JPH1: variants seen among roughly 807,000 people sequenced by gnomAD.
JPH1 encodes junctophilin 1, also known as junctophilin-1.
Under a neutral mutation model 53.6 loss-of-function variants are expected in JPH1, and 12 were observed. The observed-to-expected ratio is 0.22, with a 90% CI of 0.14 to 0.36. The LOEUF is 0.36. JPH1 is among the 10% of genes least tolerant of loss of function. The pLI, the probability that JPH1 is intolerant of heterozygous loss-of-function variation, is 1.00. For synonymous variants in JPH1, 375 were observed against 363.8 expected (o/e 1.03, Z -0.35); for missense variants, 808 against 905.5 (o/e 0.89, Z 1.38).
chr8:74,254,740 T>A (rs1485599276), intron 3 of JPH1, among the ~76,000 whole-genome samples: 2 of 152,240 alleles, frequency 1.3e-5, no homozygotes, highest in East Asian at 3.9e-4. Context: ...AGCATTCTTA[T>A]ACACCAATAA....
At chr8:74,278,538 CACA>C (rs1473516262) in intron 2 of JPH1, among the ~76,000 whole-genome samples, 1 of 152,188 alleles carries the variant, frequency 6.6e-6, no homozygotes, top group Non-Finnish European at 1.5e-5. Flanking sequence ...CACCAGAAGA[CACA>C]ACAATTCCAT....
Position 74,315,158 on chromosome 8 carries a change from T to C in JPH1, c.842A>G (p.Tyr281Cys). The C allele has an allele frequency of 6.2e-7, 1 of 1,614,226 alleles. No individual in the cohort carries two copies. Residue 281 changes from tyrosine (Y) to cysteine (C), a missense_variant, in exon 2 of 6, where the codon TAC becomes TGC. Physicochemically the swap from Tyr to Cys is radical, Grantham distance 194 (BLOSUM62 -2). Transcript: ENST00000342232. The surrounding 1 kb of genome is among the most constrained non-coding windows in gnomAD (Gnocchi z 6.3). The stretch of plus-strand genomic sequence containing the variant: ...CTTGTCGTTCTTCCACTCGCCCATG[T>C]AGGTTTCCGTGGTGGTGGCGTCCAC... ...DHVDATTTETYMGEWKNDKRN... is the reference protein window; with the variant it reads ...DHVDATTTETCMGEWKNDKRN...
At position 74,236,359 on chromosome 8, in the gene JPH1, C is replaced by T. The variant is rs1427199114; in HGVS notation, c.*692G>A. 6.6e-6 allele frequency: 1 copy of T among 152,262 alleles called. No homozygotes were observed. Among genetic ancestry groups the T allele is most frequent in the East Asian group, 1.9e-4 (1 of 5,190 alleles). The allele number at this position is 152,262 out of a possible 1,614,324, so 9.4% of individuals were successfully genotyped here. ...CACGTGTGTTTCGTCCGGCCAGGAC[C>T]GCAGGTGGTAGATGACTATACGTCA... On this transcript the variant is annotated 3_prime_UTR_variant, in exon 6 of 6. Transcript: ENST00000342232.
intron 2 of JPH1, among the ~76,000 whole-genome samples, chr8:74,286,461 T>C (rs1807167156): frequency 6.6e-6 from 1 of 152,172 alleles, no homozygotes; most frequent in African/African-American, 2.4e-5. Flanking sequence ...CTTAAAAGTA[T>C]ACACTACATT....
chr8:74,282,396 A>T (rs532695521), intron 2 of JPH1, among the ~76,000 whole-genome samples: 29 of 152,364 alleles, frequency 1.9e-4, no homozygotes, highest in African/African-American at 6.3e-4. Flanking sequence ...CACAGAATGT[A>T]TTCCATACCC....
At chr8:74,300,832 T>C (rs890277377) in intron 2 of JPH1, among the ~76,000 whole-genome samples, 1 of 152,106 alleles carries the variant, frequency 6.6e-6, no homozygotes, top group Non-Finnish European at 1.5e-5. Flanking sequence ...CTGGTCAAGT[T>C]TTCCACTTCC....
At chr8:74,271,087 A>C (rs1472868582) in intron 2 of JPH1, among the ~76,000 whole-genome samples, 1 of 152,210 alleles carries the variant, frequency 6.6e-6, no homozygotes, top group Admixed American at 6.5e-5. Flanking sequence ...TCTAGGCACA[A>C]CGGGAATGTT....
intron 2 of JPH1, among the ~76,000 whole-genome samples, chr8:74,300,652 A>T (rs1807653854): frequency 6.6e-6 from 1 of 152,206 alleles, no homozygotes; most frequent in South Asian, 2.1e-4. Flanking sequence ...GATTGAGGAA[A>T]AATCTGGAGT....
intron 3 of JPH1, among the ~76,000 whole-genome samples, chr8:74,252,657 G>A (rs1263156873): frequency 2.0e-5 from 3 of 151,974 alleles, no homozygotes; most frequent in Non-Finnish European, 4.4e-5. Context: ...CCCATCTCAC[G>A]TGCAGAGACA....
At chr8:74,311,672 C>CAT (rs1563422615) in intron 2 of JPH1, among the ~76,000 whole-genome samples, 1 of 114,576 alleles carries the variant, frequency 8.7e-6, no homozygotes, top group Non-Finnish European at 1.7e-5. Flanking sequence ...TCCCTCCCCT[C>CAT]CCCCCACCCC....
chr8:74,254,273 A>G (rs1806152843), intron 3 of JPH1, among the ~76,000 whole-genome samples: 1 of 152,120 alleles, frequency 6.6e-6, no homozygotes, highest in Non-Finnish European at 1.5e-5. Context: ...CAGCATATAA[A>G]CAGAACCAAA....
In JPH1 at chr8:74,310,164, A is replaced by G. The variant is rs1807949867; in HGVS notation, c.1139+4697T>C. Among the ~76,000 whole-genome samples, 2 of 152,084 alleles carry G rather than the reference A, an allele frequency of 1.3e-5. 1 individual carries two copies. Among genetic ancestry groups the G allele is most frequent in the Non-Finnish European group, 2.9e-5 (2 of 68,000 alleles). ...GAGTAGCATCTTCATCTAAGAGCAG[A>G]GCAGTTGGGATCCAGAACTAGAGGT... On this transcript the variant is annotated intron_variant, in intron 2 of 5. Coordinates refer to ENST00000342232, the MANE Select transcript of JPH1 (RefSeq NM_020647.4).
intron 3 of JPH1, among the ~76,000 whole-genome samples, chr8:74,254,113 T>C (rs182266165): frequency 0.014 from 2,153 of 152,152 alleles, 83 homozygotes; most frequent in African/African-American, 0.05. Flanking sequence ...TAGACCAATA[T>C]CCTTGATGAA....
chr8:74,291,129 A>G (rs1807313915), intron 2 of JPH1, among the ~76,000 whole-genome samples: 2 of 152,200 alleles, frequency 1.3e-5, no homozygotes, highest in South Asian at 4.1e-4. Flanking sequence ...AAATTGACAA[A>G]TGGGATCTAA....
intron 2 of JPH1, among the ~76,000 whole-genome samples, chr8:74,285,367 A>G (rs1479508505): frequency 6.6e-6 from 1 of 152,080 alleles, no homozygotes; most frequent in African/African-American, 2.4e-5. Context: ...CTAGAAGTCT[A>G]GCATGTGAGC....
chr8:74,241,951 G>C (rs1190512820), intron 4 of JPH1, among the ~76,000 whole-genome samples: 2 of 152,140 alleles, frequency 1.3e-5, no homozygotes, highest in Non-Finnish European at 2.9e-5. Context: ...GACCCTACCA[G>C]AGTTGTCATG....
intron 4 of JPH1, among the ~76,000 whole-genome samples, chr8:74,240,577 T>C (rs932805655): frequency 1.3e-4 from 20 of 152,218 alleles, no homozygotes; most frequent in Admixed American, 1.2e-3. Context: ...ATTCTGGATG[T>C]TCCACCTGTA....
intron 2 of JPH1, among the ~76,000 whole-genome samples, chr8:74,286,275 A>G (rs964079107): frequency 1.3e-5 from 2 of 152,150 alleles, no homozygotes; most frequent in Non-Finnish European, 2.9e-5. Context: ...CTTAAAATTA[A>G]TTTTTAATAT....
intron 3 of JPH1, among the ~76,000 whole-genome samples, chr8:74,254,727 A>G (rs891146093): frequency 3.4e-4 from 51 of 152,146 alleles, no homozygotes; most frequent in Non-Finnish European, 1.5e-4. Flanking sequence ...TACAAAAATC[A>G]CAAGCATTCT....
Sources: allele counts gnomAD v4.1 joint callset (sites outside exome capture counted in the v4.1 genomes callset), GRCh38; gene constraint gnomAD v4.1.1; non-coding constraint Gnocchi (gnomAD v3.1); transcripts MANE v1.5; gene names NCBI Gene and HGNC (gene_info 2026-07-23, HGNC 2026-07-21).